ZNF479: variants seen among roughly 807,000 people sequenced by gnomAD.
ZNF479 encodes the protein zinc finger protein 479.
A neutral mutation model predicts 14.7 loss-of-function variants in ZNF479; 15 were observed. The ratio of observed to expected loss-of-function variants is 1.02; its 90% CI spans 0.68 to 1.57. ZNF479 has a LOEUF of 1.57. ZNF479 is among the 40% of genes most tolerant of loss of function. The probability of loss-of-function intolerance (pLI) is 0.00; values close to 1 mark genes in which losing one functional copy is unlikely to be tolerated. For missense variants in ZNF479, 506 were observed against 615.1 expected, an observed-to-expected ratio of 0.82 and a Z score of 1.88; for synonymous variants, 145 against 211.5, an observed-to-expected ratio of 0.69 and a Z score of 2.73.
upstream of ZNF479, chr7:57,132,440 C>A: frequency 1.3e-6 from 2 of 1,528,346 alleles, no homozygotes; most frequent in Middle Eastern, 1.9e-4. Flanking sequence ...CACAAAGGAC[C>A]CGCAAAATTA....
chr7:57,138,076 T>G (rs548299248), intron 1 of ZNF479, among the ~76,000 whole-genome samples: 28 of 152,156 alleles, frequency 1.8e-4, no homozygotes, highest in Non-Finnish European at 3.4e-4. Flanking sequence ...ACCCTGCCCA[T>G]AGTAAAAATA....
Position 57,120,697 on chromosome 7 carries a change from G to A in ZNF479, c.718C>T (p.Pro240Ser). The A allele has an allele frequency of 6.2e-7, 1 of 1,613,080 alleles. No homozygotes were observed. The change falls in exon 4 of 4, where the codon CCA becomes TCA. Residue 240 changes from proline (P) to serine (S), a missense_variant. Physicochemically the swap from Pro to Ser is moderately conservative, Grantham distance 74 (BLOSUM62 -1). Coordinates refer to ENST00000319636, the MANE Select transcript of ZNF479 (RefSeq NM_001370129.2). ...TTGCCACATTCCTCACATCTATATG[G>A]TTTCTCTCCAGTATGAATTATTTTA... is the stretch of plus-strand genomic sequence containing the variant. The part of the protein sequence containing the change: ...THKIIHTGEK[P>S]YRCEECGKAF...
upstream of ZNF479, among the ~76,000 whole-genome samples, chr7:57,134,283 A>C (rs1375974424): frequency 6.6e-6 from 1 of 152,162 alleles, no homozygotes; most frequent in Non-Finnish European, 1.5e-5. Flanking sequence ...AATCCACCAA[A>C]ACCAAGGTGG....
At chr7:57,131,855 G>T (rs1288654405) in intron 1 of ZNF479, among the ~76,000 whole-genome samples, 1 of 152,070 alleles carries the variant, frequency 6.6e-6, no homozygotes, top group African/African-American at 2.4e-5. Context: ...ATCACACTTT[G>T]ATCAGATTCT....
At chr7:57,136,125 T>C (rs1786646972), upstream of ZNF479, among the ~76,000 whole-genome samples, 1 of 152,090 alleles carries the variant, frequency 6.6e-6, no homozygotes, top group Non-Finnish European at 1.5e-5. Flanking sequence ...GACTCACGCC[T>C]GTAATCTCAG....
upstream of ZNF479, among the ~76,000 whole-genome samples, chr7:57,135,973 ATCTCTCTCTCTCTCTCTCTCTC>A (rs57853604): frequency 1.5e-4 from 19 of 125,212 alleles, no homozygotes; most frequent in Admixed American, 5.6e-4. Flanking sequence ...CTCTCTCTCA[ATCTCTCTCTCTCTCTCTCTCTC>A]TCTCTCTCTC....
upstream of ZNF479, among the ~76,000 whole-genome samples, chr7:57,134,007 T>C (rs1163039570): frequency 6.6e-6 from 1 of 152,218 alleles, no homozygotes; most frequent in African/African-American, 2.4e-5. Flanking sequence ...TGAAGCTAAA[T>C]CTTTGAATGT....
exon 1 of ZNF479, chr7:57,139,781 CT>C (rs1562855557): frequency 6.6e-6 from 1 of 152,156 alleles, no homozygotes; most frequent in Non-Finnish European, 1.5e-5. Flanking sequence ...TGATATAACT[CT>C]TTTTTCTGGG....
At position 57,132,197 on chromosome 7, in the gene ZNF479, G is replaced by A; in HGVS notation, c.39+89C>T. On this transcript the variant is annotated intron_variant, in intron 1 of 3. Coordinates refer to ENST00000319636, the MANE Select transcript of ZNF479 (RefSeq NM_001370129.2). ...GGGTCGGCAGGCCCTGGAACTGACT[G>A]CAAGAAAGTCTGGGACCTGCTACAG... 3 of 1,610,942 alleles carry A rather than the reference G, an allele frequency of 1.9e-6. No individual in the cohort carries two copies. The South Asian group carries it at 3.3e-5, about 18-fold the overall frequency.
At chr7:57,129,230 T>C (rs549467371) in intron 1 of ZNF479, among the ~76,000 whole-genome samples, 46 of 152,302 alleles carry the variant, frequency 3.0e-4, no homozygotes, top group African/African-American at 1.1e-3. Context: ...AGCCTTCCTA[T>C]GATGCAAAGG....
Position 57,118,281 on chromosome 7 carries a change from A to C in ZNF479, c.*1559T>G, listed in dbSNP as rs1315401994. Among the ~76,000 whole-genome samples the C allele has an allele frequency of 1.3e-5, 2 of 152,238 alleles. No individual in the cohort carries two copies. The highest frequency in any genetic ancestry group is 4.8e-5 in the African/African-American group (2 of 41,454). On this transcript the variant is annotated 3_prime_UTR_variant, in exon 4 of 4. Transcript: ENST00000319636. ...CTGTAATGGAAGTAAAGGTACAGCA[A>C]TCCTCTTTAAGTTTGTATGTTTGTC...
chr7:57,133,686 T>C (rs780468216), upstream of ZNF479, among the ~76,000 whole-genome samples: 45 of 152,232 alleles, frequency 3.0e-4, no homozygotes, highest in South Asian at 1.7e-3. Context: ...GCTTACATGA[T>C]GAAACCCCTG....
At chr7:57,137,892 C>T (rs900352501) in intron 1 of ZNF479, among the ~76,000 whole-genome samples, 1 of 152,108 alleles carries the variant, frequency 6.6e-6, no homozygotes, top group African/African-American at 2.4e-5. Context: ...GGACCATCAC[C>T]TATGTTATGT....
At chr7:57,121,739 T>C (rs1274008314) in intron 3 of ZNF479, among the ~76,000 whole-genome samples, 1 of 152,126 alleles carries the variant, frequency 6.6e-6, no homozygotes, top group Admixed American at 6.6e-5. Flanking sequence ...GAAAGGTAGT[T>C]TTATGTTAGT....
At chr7:57,133,409 A>T (rs1328998095), upstream of ZNF479, among the ~76,000 whole-genome samples, 2 of 29,578 alleles carry the variant, frequency 6.8e-5, no homozygotes, top group African/African-American at 2.5e-4. Context: ...AATTTACTTA[A>T]AAAAAAAAAT....
At chr7:57,133,042 G>T (rs1786505763), upstream of ZNF479, among the ~76,000 whole-genome samples, 1 of 152,188 alleles carries the variant, frequency 6.6e-6, no homozygotes, top group Non-Finnish European at 1.5e-5. Context: ...ACTGAGGCAG[G>T]AGAATTGCTT....
At chr7:57,135,511 C>G (rs1050462833), upstream of ZNF479, among the ~76,000 whole-genome samples, 3 of 152,120 alleles carry the variant, frequency 2.0e-5, no homozygotes, top group Non-Finnish European at 4.4e-5. Flanking sequence ...CTCCCAGGTT[C>G]AACCGATTCT....
upstream of ZNF479, among the ~76,000 whole-genome samples, chr7:57,132,615 C>T (rs1786486337): frequency 1.3e-5 from 2 of 152,218 alleles, no homozygotes; most frequent in Admixed American, 6.5e-5. Context: ...AGGCTGCAGC[C>T]TTCACAGGCA....
Position 57,131,066 on chromosome 7 carries a change from A to G in ZNF479, c.39+1220T>C, listed in dbSNP as rs1279909787. ...AGCAAAATAATGAGAACACGTGGAC[A>G]CAAATAAGAGAACAACAGACACTGA... is the stretch of plus-strand genomic sequence containing the variant. On this transcript the variant is annotated intron_variant, in intron 1 of 3. Coordinates refer to ENST00000319636, the MANE Select transcript of ZNF479 (RefSeq NM_001370129.2). Among the ~76,000 whole-genome samples, 8 of 152,194 alleles carry G rather than the reference A, an allele frequency of 5.3e-5. No individual in the cohort carries two copies. The East Asian group carries it at 1.5e-3, about 29-fold the overall frequency.
Sources: allele counts gnomAD v4.1 joint callset (sites outside exome capture counted in the v4.1 genomes callset), GRCh38; gene constraint gnomAD v4.1.1; transcripts MANE v1.5; gene names NCBI Gene and HGNC (gene_info 2026-07-23, HGNC 2026-07-21).